SGCD: variants seen among roughly 807,000 people sequenced by gnomAD.
SGCD encodes the protein delta-sarcoglycan.
In SGCD, 18 loss-of-function variants were observed where a neutral mutation model predicts 36.6. The ratio of observed to expected loss-of-function variants is 0.49; its 90% CI spans 0.34 to 0.73. The LOEUF is 0.73. SGCD is among the 30% of genes least tolerant of loss of function. The pLI is 0.01. For missense variants in SGCD, 387 were observed against 346.7 expected, an observed-to-expected ratio of 1.12 and a Z score of -0.92; for synonymous variants, 133 against 130.6, an observed-to-expected ratio of 1.02 and a Z score of -0.12.
chr5:156,641,466 G>A (rs1763024621), intron 6 of SGCD, among the ~76,000 whole-genome samples: 1 of 152,146 alleles, frequency 6.6e-6, no homozygotes, highest in Non-Finnish European at 1.5e-5. Flanking sequence ...AGAATTATTA[G>A]TTTATTCATA....
intron 3 of SGCD, among the ~76,000 whole-genome samples, chr5:156,364,922 A>G (rs970263011): frequency 2.6e-5 from 4 of 152,214 alleles, no homozygotes; most frequent in Non-Finnish European, 5.9e-5. Flanking sequence ...CCTTGGGCAT[A>G]CTACCTGTCG....
chr5:155,815,410 C>G, the SGCD span, among the ~76,000 whole-genome samples: 1 of 152,090 alleles, frequency 6.6e-6, no homozygotes, highest in African/African-American at 2.4e-5. Context: ...AAAACTAAAT[C>G]CATTTGAGCT....
chr5:156,130,668 T>A (rs1762300286), intron 3 of SGCD, among the ~76,000 whole-genome samples: 1 of 152,186 alleles, frequency 6.6e-6, no homozygotes, highest in South Asian at 2.1e-4. Flanking sequence ...AAAAGCCCAT[T>A]AGGGACAGTG....
At chr5:156,456,465 A>G (rs891302506) in intron 3 of SGCD, among the ~76,000 whole-genome samples, 1 of 152,188 alleles carries the variant, frequency 6.6e-6, no homozygotes, top group Non-Finnish European at 1.5e-5. Context: ...AGTGTCAGAG[A>G]ATTTAGCTGA....
chr5:155,847,803 C>T, the SGCD span, among the ~76,000 whole-genome samples: 1 of 152,222 alleles, frequency 6.6e-6, no homozygotes, highest in Non-Finnish European at 1.5e-5. Flanking sequence ...GCTCAGGCCA[C>T]AAACTTCATT....
At chr5:156,690,299 G>T (rs950347995) in intron 7 of SGCD, among the ~76,000 whole-genome samples, 1 of 152,154 alleles carries the variant, frequency 6.6e-6, no homozygotes, top group African/African-American at 2.4e-5. Flanking sequence ...CTTGATCAAG[G>T]TGTATTATTA....
At chr5:156,366,636 G>T (rs7700863) in intron 3 of SGCD, among the ~76,000 whole-genome samples, 112,347 of 152,140 alleles carry the variant, frequency 0.74, 42,741 homozygotes, top group African/African-American at 0.92. Context: ...CTAAGAATGA[G>T]AGAAATTCTT....
intron 6 of SGCD, among the ~76,000 whole-genome samples, chr5:156,621,605 G>C (rs1762252252): frequency 6.6e-6 from 1 of 152,174 alleles, no homozygotes; most frequent in African/African-American, 2.4e-5. Flanking sequence ...AATTTTACAA[G>C]TAAGGGAAGC....
chr5:155,785,065 G>A, the SGCD span, among the ~76,000 whole-genome samples: 1 of 152,026 alleles, frequency 6.6e-6, no homozygotes, highest in Non-Finnish European at 1.5e-5. Context: ...TTCTTACACA[G>A]TCTGCATAAG....
chr5:156,043,836 C>G (rs1355734206), intron 1 of SGCD, among the ~76,000 whole-genome samples: 1 of 152,156 alleles, frequency 6.6e-6, no homozygotes, highest in African/African-American at 2.4e-5. Context: ...ACTGTACTCT[C>G]ACAGTTTTGT....
intron 3 of SGCD, among the ~76,000 whole-genome samples, chr5:156,236,823 GA>G (rs1292252697): frequency 1.8e-4 from 28 of 151,668 alleles, no homozygotes; most frequent in Middle Eastern, 6.8e-3. Context: ...TAGGGTAATG[GA>G]TTGCTGAGCC....
the SGCD span, among the ~76,000 whole-genome samples, chr5:155,813,389 A>C: frequency 1.3e-5 from 2 of 152,198 alleles, no homozygotes; most frequent in Non-Finnish European, 2.9e-5. Context: ...GCTTGCATGC[A>C]TGAAAAGAAA....
At chr5:156,382,967 G>A (rs964316687) in intron 3 of SGCD, among the ~76,000 whole-genome samples, 1 of 152,130 alleles carries the variant, frequency 6.6e-6, no homozygotes, top group Non-Finnish European at 1.5e-5. Context: ...TGCATCCTTA[G>A]CAACAAACAA....
At chr5:156,435,171 G>A (rs1056362037) in intron 3 of SGCD, among the ~76,000 whole-genome samples, 3 of 152,090 alleles carry the variant, frequency 2.0e-5, no homozygotes, top group Admixed American at 6.6e-5. Context: ...CAGTTCTTAG[G>A]GATTATCTAA....
At chr5:156,435,826 C>A (rs944247832) in intron 3 of SGCD, among the ~76,000 whole-genome samples, 2 of 152,122 alleles carry the variant, frequency 1.3e-5, no homozygotes, top group Admixed American at 6.6e-5. Context: ...TCAACTCAGG[C>A]CTTTGTAAAA....
At chr5:156,257,210 C>T (rs1765736925) in intron 3 of SGCD, among the ~76,000 whole-genome samples, 3 of 151,590 alleles carry the variant, frequency 2.0e-5, no homozygotes, top group Admixed American at 1.3e-4. Flanking sequence ...CGCAGTGGCT[C>T]ACGCCTGTAA....
At chr5:156,430,154 T>G (rs1773869233) in intron 3 of SGCD, among the ~76,000 whole-genome samples, 2 of 152,298 alleles carry the variant, frequency 1.3e-5, no homozygotes, top group South Asian at 2.1e-4. Context: ...CACCAATTAT[T>G]CTTAGGTTTG....
In SGCD at chr5:156,508,657, T is replaced by G. The variant is rs1348759871; in HGVS notation, c.249T>G (p.Ser83=). The G allele has an allele frequency of 1.2e-6, 2 of 1,612,212 alleles. No individual in the cohort carries two copies. The highest frequency in any genetic ancestry group is 1.7e-5 in the Admixed American group (1 of 59,886). ...AAGGTCTAAAGCTAGAAGGAGACTC[T>G]GAATTCTTACAACCTCTCTACGCCA... The part of the protein sequence containing the change: ...TEKGLKLEGD[S]EFLQPLYAKE... The change falls in exon 4 of 9, where the codon TCT becomes TCG. Residue 83 remains serine, a synonymous_variant. Coordinates refer to ENST00000337851, the MANE Select transcript of SGCD (RefSeq NM_000337.6).
chr5:156,672,624 A>G (rs1407447090), intron 7 of SGCD, among the ~76,000 whole-genome samples: 1 of 152,190 alleles, frequency 6.6e-6, no homozygotes, highest in Non-Finnish European at 1.5e-5. Context: ...CTTCCAAAGC[A>G]TTGTTGACAT....
Sources: gnomAD v4.1 joint callset for allele counts (sites outside exome capture counted in the v4.1 genomes callset) on GRCh38, gnomAD v4.1.1 for gene constraint, MANE v1.5 for transcripts, NCBI Gene and HGNC (gene_info 2026-07-23, HGNC 2026-07-21) for gene names.